PRKAR1B: variants seen among roughly 807,000 people sequenced by gnomAD.
PRKAR1B encodes cAMP-dependent protein kinase type I-beta regulatory subunit.
A neutral mutation model predicts 46.5 loss-of-function variants in PRKAR1B; 22 were observed. That is an observed-to-expected ratio of 0.47 (90% CI 0.34 to 0.68). The LOEUF is 0.68. Ranked by LOEUF, PRKAR1B falls within the 30% of genes least tolerant of loss-of-function variation. The pLI, the probability that PRKAR1B is intolerant of heterozygous loss-of-function variation, is 0.01. For synonymous variants in PRKAR1B, 259 were observed against 217.7 expected, an observed-to-expected ratio of 1.19 and a Z score of -1.67; for missense variants, 445 against 535.6, an observed-to-expected ratio of 0.83 and a Z score of 1.67.
chr7:554,717 C>T (rs1489277303), intron 9 of PRKAR1B, among the ~76,000 whole-genome samples: 1 of 149,136 alleles, frequency 6.7e-6, no homozygotes, highest in African/African-American at 2.5e-5. Context: ...CCACGGATCC[C>T]ACAGAGCCGG....
chr7:619,736 C>CAG (rs1783013180), intron 4 of PRKAR1B, among the ~76,000 whole-genome samples: 1 of 152,272 alleles, frequency 6.6e-6, no homozygotes, highest in African/African-American at 2.4e-5. Flanking sequence ...TGCTGAGCCT[C>CAG]AGCTCTTGGT....
chr7:617,810 A>T (rs1035178517), intron 4 of PRKAR1B, among the ~76,000 whole-genome samples: 16 of 152,192 alleles, frequency 1.1e-4, no homozygotes, highest in African/African-American at 3.9e-4. Context: ...GACGGAAAGC[A>T]AACCCCTCCT....
intron 4 of PRKAR1B, among the ~76,000 whole-genome samples, chr7:616,566 G>A (rs1368773021): frequency 6.6e-6 from 1 of 152,214 alleles, no homozygotes; most frequent in African/African-American, 2.4e-5. Context: ...CCAGAAGCAC[G>A]CTCCACCCAG....
chr7:709,823 C>T (rs941237909), intron 2 of PRKAR1B, among the ~76,000 whole-genome samples: 1 of 152,158 alleles, frequency 6.6e-6, no homozygotes, highest in African/African-American at 2.4e-5. Flanking sequence ...GGTGCCACCA[C>T]ACCCAGCAAA....
At chr7:700,463 C>A (rs758159618) in intron 2 of PRKAR1B, among the ~76,000 whole-genome samples, 4 of 152,168 alleles carry the variant, frequency 2.6e-5, no homozygotes, top group African/African-American at 7.2e-5. Flanking sequence ...AGTTCCTTGA[C>A]AAATTATTCA....
intron 4 of PRKAR1B, among the ~76,000 whole-genome samples, chr7:670,031 G>A (rs1786144900): frequency 6.6e-6 from 1 of 151,266 alleles, no homozygotes. Context: ...ACGCCCAGCT[G>A]ATTTTTTTTT....
In PRKAR1B at chr7:596,198, G is replaced by A. The variant is rs781497728; in HGVS notation, c.656C>T (p.Thr219Met). The stretch of plus-strand genomic sequence containing the variant: ...GTCGATCCCCCAGAGCTTGAGGTCC[G>A]TCTTGGCTTTCACGGTCGCAGCCCT... ...TPRAATVKAK[T>M]DLKLWGIDRD... is the part of the protein sequence containing the mutation. The change falls in exon 7 of 11, where the codon ACG (threonine) becomes ATG (methionine). Residue 219 changes from threonine (T) to methionine (M), a missense_variant. By Grantham distance (81) the Thr-to-Met change is moderately conservative. Transcript: ENST00000537384. 3.2e-5 allele frequency: 51 copies of A among 1,613,936 alleles called. No individual in the cohort carries two copies. Among genetic ancestry groups the A allele is most frequent in the East Asian group, 8.9e-5 (4 of 44,888 alleles).
chr7:668,230 C>T (rs560155785), intron 4 of PRKAR1B, among the ~76,000 whole-genome samples: 1 of 152,218 alleles, frequency 6.6e-6, no homozygotes, highest in African/African-American at 2.4e-5. Context: ...GTGCCAGACG[C>T]CCTGTAAACT....
chr7:657,832 A>C (rs67025739), intron 4 of PRKAR1B, among the ~76,000 whole-genome samples: 16,527 of 152,078 alleles, frequency 0.11, 977 homozygotes, highest in South Asian at 0.26. Flanking sequence ...AGAAGAAAAT[A>C]ATTGTCTGGG....
At chr7:643,197 T>C (rs948727133) in intron 4 of PRKAR1B, among the ~76,000 whole-genome samples, 11 of 151,642 alleles carry the variant, frequency 7.3e-5, no homozygotes, top group African/African-American at 2.7e-4. Flanking sequence ...TCAGTCACTC[T>C]TTCATGCCAT....
At chr7:598,502 TCCAGCACCCTCCACACTAAACACCATCA>T (rs1781404800) in intron 6 of PRKAR1B, among the ~76,000 whole-genome samples, 1 of 117,210 alleles carries the variant, frequency 8.5e-6, no homozygotes, top group African/African-American at 3.3e-5. Flanking sequence ...ACCATCACCC[TCCAGCACCCTCCACACTAAACACCATCA>T]CCCTCCAGCA....
At chr7:710,979 G>A (rs1780593443) in intron 2 of PRKAR1B, among the ~76,000 whole-genome samples, 1 of 152,104 alleles carries the variant, frequency 6.6e-6, no homozygotes, top group Admixed American at 6.5e-5. Context: ...TCTGTAACTA[G>A]GCTGAAAACT....
intron 1 of PRKAR1B, among the ~76,000 whole-genome samples, chr7:721,742 G>A (rs1781080765): frequency 6.6e-6 from 1 of 152,130 alleles, no homozygotes; most frequent in African/African-American, 2.4e-5. Flanking sequence ...TAGTTTGCCT[G>A]TCTGAGAACA....
intron 2 of PRKAR1B, among the ~76,000 whole-genome samples, chr7:710,281 G>C (rs1223873004): frequency 7.2e-5 from 11 of 152,152 alleles, no homozygotes; most frequent in Admixed American, 7.2e-4. Flanking sequence ...AGATAGTTAA[G>C]TTGTGATAAA....
At position 722,178 on chromosome 7, in the gene PRKAR1B, A is replaced by G. The variant is rs535470772; in HGVS notation, c.-23+5032T>C. Among the ~76,000 whole-genome samples the G allele has an allele frequency of 1.7e-3, 232 of 138,012 alleles. 1 individual carries two copies. Among genetic ancestry groups the G allele is most frequent in the Non-Finnish European group, 2.9e-3 (196 of 66,602 alleles). 90.5% of individuals were successfully genotyped at this position (138,012 alleles called of 152,430 possible). A position where few individuals can be genotyped will look rare whatever the true frequency, so the allele number is the denominator to read the frequency against. On this transcript the variant is annotated intron_variant, in intron 1 of 10. Transcript: ENST00000537384. The stretch of plus-strand genomic sequence containing the variant: ...TGCGGTGGCATGATATTGGCTCACT[A>G]CAACCTCCACCTCCTGGGTTCAGGC...
intron 4 of PRKAR1B, among the ~76,000 whole-genome samples, chr7:622,300 G>C (rs1783149895): frequency 6.6e-6 from 1 of 152,222 alleles, no homozygotes; most frequent in South Asian, 2.1e-4. Context: ...AGAGCAGCGA[G>C]GTGAGGGGTG....
At chr7:715,968 G>A (rs1336546369) in intron 1 of PRKAR1B, among the ~76,000 whole-genome samples, 2 of 152,094 alleles carry the variant, frequency 1.3e-5, no homozygotes, top group African/African-American at 4.8e-5. Context: ...GCCCGCCTTG[G>A]CCTCCCAAAG....
rs949089843 is a variant in PRKAR1B at position 549,423 on chromosome 7, A to G, written c.*1007T>C. On this transcript the variant is annotated 3_prime_UTR_variant, in exon 11 of 11. Coordinates refer to ENST00000537384, the MANE Select transcript of PRKAR1B (RefSeq NM_001164760.2). ...TCCCCGGGACGCACGGGACAGGAGC[A>G]ACATCAGGTGAACTGCAATGACCTC... The G allele has an allele frequency of 4.6e-4, 70 of 152,332 alleles. No homozygotes were observed. The highest frequency in any genetic ancestry group is 1.6e-3 in the African/African-American group (66 of 41,460). 9.4% of individuals were successfully genotyped at this position (152,332 alleles called of 1,614,324 possible). A position where few individuals can be genotyped will look rare whatever the true frequency, so the allele number is the denominator to read the frequency against.
chr7:684,280 G>A lies in PRKAR1B; in HGVS notation c.178-3554C>T, dbSNP rs139738679. Among the ~76,000 whole-genome samples, 23 of 152,372 alleles carry A rather than the reference G, an allele frequency of 1.5e-4. No individual in the cohort carries two copies. The East Asian group carries it at 4.2e-3, about 28-fold the overall frequency. On this transcript the variant is annotated intron_variant, in intron 2 of 10. Transcript: ENST00000537384. The stretch of plus-strand genomic sequence containing the variant: ...CTAATTGCCCAGCCGGGAAGACGCT[G>A]AGTACACGGGGATTGCCGGGTGAAG...
Sources: gnomAD v4.1 joint callset for allele counts (sites outside exome capture counted in the v4.1 genomes callset) on GRCh38, gnomAD v4.1.1 for gene constraint, MANE v1.5 for transcripts, NCBI Gene and HGNC (gene_info 2026-07-23, HGNC 2026-07-21) for gene names.